The following IGF2R variants were observed in gnomAD, a reference collection of about 807,000 sequenced individuals.
IGF2R encodes the protein insulin like growth factor 2 receptor.
In IGF2R, 91 loss-of-function variants were observed where a neutral mutation model predicts 270.6. The observed-to-expected ratio is 0.34, with a 90% confidence interval of 0.28 to 0.40. The LOEUF (loss-of-function observed/expected upper bound fraction) is 0.40, where lower values mean the gene tolerates loss of function less well. Ranked by LOEUF, IGF2R falls within the 10% of genes least tolerant of loss-of-function variation. IGF2R has a pLI of 1.00. For missense variants in IGF2R, 2,805 were observed against 3,188.3 expected (o/e 0.88, Z 2.90); for synonymous variants, 1,316 against 1,258.9 (o/e 1.05, Z -0.96).
At chr6:159,996,975 G>A (rs1784062824) in intron 2 of IGF2R, among the ~76,000 whole-genome samples, 1 of 152,206 alleles carries the variant, frequency 6.6e-6, no homozygotes, top group Admixed American at 6.5e-5. Flanking sequence ...ACCTGTGGGA[G>A]CAGCCATGAC....
At chr6:160,029,677 C>A (rs752858360) in intron 7 of IGF2R, 22 bp downstream of exon 7, 15 of 1,543,598 alleles carry the variant, frequency 9.7e-6, no homozygotes, top group Non-Finnish European at 1.2e-5. Flanking sequence ...GTCTCCTGAT[C>A]ACTAATGTGG....
intron 2 of IGF2R, among the ~76,000 whole-genome samples, chr6:159,993,982 T>C (rs1303275930): frequency 6.9e-6 from 1 of 145,290 alleles, no homozygotes; most frequent in South Asian, 2.3e-4. Flanking sequence ...TCCCTCCAAC[T>C]TGATTTTTTT....
At chr6:160,035,603 C>G (rs1342222585) in intron 10 of IGF2R, among the ~76,000 whole-genome samples, 1 of 152,252 alleles carries the variant, frequency 6.6e-6, no homozygotes, top group Non-Finnish European at 1.5e-5. Context: ...GTTCACAGGT[C>G]TGCCATTGCT....
At chr6:160,032,900 C>T in intron 8 of IGF2R, 42 bp from the exon 9 acceptor site, 1 of 1,489,410 alleles carries the variant, frequency 6.7e-7, no homozygotes, top group Non-Finnish European at 9.3e-7. Flanking sequence ...AATACCTATT[C>T]ATATAAAACA....
intron 12 of IGF2R, among the ~76,000 whole-genome samples, chr6:160,043,828 C>T (rs1778001758): frequency 6.6e-6 from 1 of 152,168 alleles, no homozygotes; most frequent in South Asian, 2.1e-4. Context: ...TTTGAAAATG[C>T]CAGGCTATGA....
rs776187670 is a variant in IGF2R, at chr6:160,010,765, A to G, written c.493A>G (p.Ile165Val). ...GACCACTGCAGCCTGCAAGAAAGAC[A>G]TATTTAAAGCAAATAAGGAGGTAAC... The part of the protein sequence containing the change: ...WRTTAACKKD[I>V]FKANKEVPCY... Residue 165 changes from isoleucine (I) to valine (V), a missense_variant, in exon 4 of 48, where the codon ATA becomes GTA. Transcript: ENST00000356956. 4 of 1,606,740 alleles carry G rather than the reference A, an allele frequency of 2.5e-6. No homozygotes were observed. Among genetic ancestry groups the G allele is most frequent in the Non-Finnish European group, 3.4e-6 (4 of 1,173,214 alleles).
chr6:160,074,151 A>G, intron 35 of IGF2R, 176 bp downstream of exon 35: 1 of 599,658 alleles, frequency 1.7e-6, no homozygotes, highest in Non-Finnish European at 3.0e-6. Context: ...TGCACATTGA[A>G]CTGTTCGCTG....
At chr6:160,066,843 A>G (rs1364294126) in intron 29 of IGF2R, among the ~76,000 whole-genome samples, 1 of 152,072 alleles carries the variant, frequency 6.6e-6, no homozygotes, top group Non-Finnish European at 1.5e-5. Context: ...ATATTCACTA[A>G]GCTCTGTTCT....
intron 12 of IGF2R, among the ~76,000 whole-genome samples, chr6:160,044,259 G>A (rs688359): frequency 0.57 from 86,091 of 151,950 alleles, 25,241 homozygotes; most frequent in Non-Finnish European, 0.64. Flanking sequence ...CCTTCATGGC[G>A]CTTTCTGGCT....
chr6:159,972,627 A>G (rs1197715375), intron 1 of IGF2R, among the ~76,000 whole-genome samples: 1 of 152,220 alleles, frequency 6.6e-6, no homozygotes, highest in Admixed American at 6.5e-5. Flanking sequence ...GGCCTGCTTC[A>G]GGGGTGCCTG....
chr6:160,100,558 A>G (rs2114741836), intron 45 of IGF2R, among the ~76,000 whole-genome samples: 2 of 152,180 alleles, frequency 1.3e-5, no homozygotes. Flanking sequence ...CAAAGAGTAA[A>G]GCTTTTTTTG....
intron 13 of IGF2R, 108 bp downstream of exon 13, chr6:160,044,765 G>A: frequency 1.1e-6 from 1 of 890,068 alleles, no homozygotes; most frequent in Non-Finnish European, 1.7e-6. Context: ...AGACAGATTG[G>A]CATGGTGTTC....
At chr6:160,012,293 G>A (rs1328176952) in intron 4 of IGF2R, among the ~76,000 whole-genome samples, 2 of 152,140 alleles carry the variant, frequency 1.3e-5, no homozygotes, top group African/African-American at 2.4e-5. Context: ...TCTGTTTGGG[G>A]TTTGGGGGTG....
intron 7 of IGF2R, 78 bp from the exon 8 acceptor site, chr6:160,032,473 T>C (rs1477990331): frequency 2.9e-6 from 4 of 1,357,722 alleles, no homozygotes; most frequent in Admixed American, 2.0e-5. Context: ...GTCTTTGAGC[T>C]TTTCATAAGT....
chr6:160,106,313 T>C lies in IGF2R; in HGVS notation c.*1229T>C, dbSNP rs1190073997. 1 of 152,568 alleles carries C rather than the reference T, an allele frequency of 6.6e-6. No homozygotes were observed. Among genetic ancestry groups the C allele is most frequent in the Non-Finnish European group, 1.5e-5 (1 of 68,060 alleles). The allele number at this position is 152,568 out of a possible 1,614,324, so 9.5% of individuals were successfully genotyped here. A position where few individuals can be genotyped will look rare whatever the true frequency, so the allele number is the denominator to read the frequency against. On this transcript the variant is annotated 3_prime_UTR_variant, in exon 48 of 48. Coordinates refer to ENST00000356956, the MANE Select transcript of IGF2R (RefSeq NM_000876.4). ...GTTCTTATTCTGGCGGCAGCGCCTT[T>C]CCTGCCATGTTTAGTGAATGACTTT...
rs1322460583 is a variant in IGF2R, at chr6:160,063,369, G to C, written c.3671-46G>C. ...AAGCTTTTTGCTTGAAAATGTGAAT[G>C]CGTGTGTGGTTGCAGTTGCCCTTCA... On this transcript the variant is annotated intron_variant, in intron 26 of 47. Transcript: ENST00000356956. The C allele has an allele frequency of 2.1e-6, 3 of 1,411,450 alleles. No homozygotes were observed. In the Admixed American group the frequency reaches 5.0e-5, roughly 24 times the overall value. The allele number at this position is 1,411,450 out of a possible 1,614,324, so 87.4% of individuals were successfully genotyped here.
At chr6:160,092,824 C>T (rs1290267720) in intron 44 of IGF2R, among the ~76,000 whole-genome samples, 2 of 152,246 alleles carry the variant, frequency 1.3e-5, no homozygotes, top group Admixed American at 6.5e-5. Context: ...TGCACTCTCG[C>T]CTCTGCATTC....
intron 45 of IGF2R, 145 bp downstream of exon 45, chr6:160,096,770 A>G: frequency 4.2e-6 from 3 of 706,824 alleles, no homozygotes; most frequent in South Asian, 4.4e-5. Flanking sequence ...AGCGGACCCC[A>G]CATAGTCAGT....
At chr6:160,104,638 G>A (rs1202637315) in intron 47 of IGF2R, 36 bp from the exon 48 acceptor site, 1 of 1,585,836 alleles carries the variant, frequency 6.3e-7, no homozygotes, top group Admixed American at 1.7e-5. Flanking sequence ...GGTCTCTTAG[G>A]GGGCTCACGT....
Sources: allele counts gnomAD v4.1 joint callset (sites outside exome capture counted in the v4.1 genomes callset), GRCh38; gene constraint gnomAD v4.1.1; transcripts MANE v1.5; gene names NCBI Gene and HGNC (gene_info 2026-07-23, HGNC 2026-07-21).